ERC2: variants seen among roughly 807,000 people sequenced by gnomAD.
The protein encoded by ERC2 is ELKS/RAB6-interacting/CAST family member 2.
ERC2 carries 42 observed loss-of-function variants against 114.8 expected under a neutral mutation model. The observed-to-expected ratio is 0.37, with a 90% CI of 0.29 to 0.47. The LOEUF is 0.47. ERC2 is among the 20% of genes least tolerant of loss of function. The pLI, the probability that ERC2 is intolerant of heterozygous loss-of-function variation, is 0.99. For synonymous variants in ERC2, 454 were observed against 425.5 expected (o/e 1.07, Z -0.82); for missense variants, 939 against 1,150.7 (o/e 0.82, Z 2.66).
chr3:56,080,395 C>T (rs2077175834), intron 7 of ERC2, among the ~76,000 whole-genome samples: 1 of 152,026 alleles, frequency 6.6e-6, no homozygotes, highest in Non-Finnish European at 1.5e-5. Flanking sequence ...CCCTGCCTCC[C>T]AAAAATCTAT....
chr3:55,979,788 A>AG (rs1264092647), intron 12 of ERC2, among the ~76,000 whole-genome samples: 15 of 151,906 alleles, frequency 9.9e-5, no homozygotes, highest in Non-Finnish European at 1.8e-4. Context: ...AAAAAAAAAA[A>AG]AAATTCAATT....
At chr3:56,143,942 A>G (rs2081005754) in intron 5 of ERC2, among the ~76,000 whole-genome samples, 1 of 152,270 alleles carries the variant, frequency 6.6e-6, no homozygotes, top group African/African-American at 2.4e-5. Context: ...TTCAGGTTGC[A>G]TAACTTAGTA....
chr3:56,333,128 T>C (rs1278098149), intron 2 of ERC2, among the ~76,000 whole-genome samples: 1 of 152,250 alleles, frequency 6.6e-6, no homozygotes, highest in Non-Finnish European at 1.5e-5. Context: ...TACGGCTAAC[T>C]GTCAGAGACG....
intron 1 of ERC2, among the ~76,000 whole-genome samples, chr3:56,453,218 T>C (rs1445926000): frequency 6.6e-6 from 1 of 152,168 alleles, no homozygotes; most frequent in South Asian, 2.1e-4. Flanking sequence ...TTTTGGCCAA[T>C]GAAATGTGAG....
At chr3:55,791,642 AC>A (rs2070034385) in intron 14 of ERC2, among the ~76,000 whole-genome samples, 2 of 152,302 alleles carry the variant, frequency 1.3e-5, no homozygotes, top group Non-Finnish European at 2.9e-5. Context: ...ATCCATATTA[AC>A]CCATCAGGCA....
At chr3:55,597,505 T>A (rs2058203093) in intron 17 of ERC2, among the ~76,000 whole-genome samples, 1 of 152,100 alleles carries the variant, frequency 6.6e-6, no homozygotes, top group Non-Finnish European at 1.5e-5. Context: ...TAGTCCTCAT[T>A]TTCTGAGGCT....
chr3:56,440,751 T>C (rs192032564), intron 1 of ERC2, among the ~76,000 whole-genome samples: 3 of 152,334 alleles, frequency 2.0e-5, no homozygotes, highest in East Asian at 3.9e-4. Context: ...ATAAAGACTA[T>C]GTAAATCAAA....
intron 1 of ERC2, among the ~76,000 whole-genome samples, chr3:56,440,860 A>G (rs1307651533): frequency 1.3e-5 from 2 of 152,176 alleles, no homozygotes; most frequent in South Asian, 2.1e-4. Flanking sequence ...GCCACAAAGT[A>G]TTTTTATAAC....
intron 13 of ERC2, among the ~76,000 whole-genome samples, chr3:55,932,599 C>T (rs1352148990): frequency 6.6e-6 from 1 of 152,180 alleles, no homozygotes; most frequent in Admixed American, 6.5e-5. Context: ...TTGAATACTG[C>T]ACACTCCTCA....
Position 55,888,499 on chromosome 3 carries a change from G to A in ERC2, c.2454C>T (p.Ala818=). The part of the protein sequence containing the change: ...ALEKTRQELD[A]TKARLASTQQ... Reference sequence around the variant, plus strand: ...GTGTGGAGGCGAGGCGTGCTTTGGTGGCATCCAGTTCCTGTCTGGTCTTCT... The same window carrying A: ...GTGTGGAGGCGAGGCGTGCTTTGGTAGCATCCAGTTCCTGTCTGGTCTTCT... Residue 818 remains alanine (A), a synonymous_variant, in exon 14 of 18, where the codon GCC becomes GCT. Transcript: ENST00000288221. 3.1e-6 allele frequency: 5 copies of A among 1,613,828 alleles called. No homozygotes were observed. Among genetic ancestry groups the A allele is most frequent in the East Asian group, 2.2e-5 (1 of 44,862 alleles).
intron 15 of ERC2, among the ~76,000 whole-genome samples, chr3:55,732,946 C>T (rs1342598309): frequency 6.6e-6 from 1 of 152,144 alleles, no homozygotes; most frequent in African/African-American, 2.4e-5. Flanking sequence ...GCACCCCCAC[C>T]CCCAATGACG....
At chr3:56,092,863 C>G (rs1430298750) in intron 6 of ERC2, among the ~76,000 whole-genome samples, 1 of 152,106 alleles carries the variant, frequency 6.6e-6, no homozygotes, top group Non-Finnish European at 1.5e-5. Context: ...TAAATGTAAG[C>G]ACGAAATTGT....
intron 13 of ERC2, among the ~76,000 whole-genome samples, chr3:55,890,843 G>A (rs1384509387): frequency 1.3e-5 from 2 of 152,190 alleles, no homozygotes; most frequent in Non-Finnish European, 2.9e-5. Flanking sequence ...CCTGGACCGA[G>A]GACCATGTGG....
chr3:56,264,553 C>T (rs1191668822), intron 3 of ERC2, among the ~76,000 whole-genome samples: 2 of 150,366 alleles, frequency 1.3e-5, no homozygotes, highest in Middle Eastern at 3.4e-3. Context: ...GTCAAGATTA[C>T]ACCACTGCAC....
chr3:55,669,647 T>A (rs2061482432), intron 17 of ERC2, among the ~76,000 whole-genome samples: 1 of 152,264 alleles, frequency 6.6e-6, no homozygotes. Flanking sequence ...TTAACTGGGC[T>A]AGTTTATTGG....
At chr3:55,980,626 C>T (rs1344975665) in intron 12 of ERC2, among the ~76,000 whole-genome samples, 1 of 152,106 alleles carries the variant, frequency 6.6e-6, no homozygotes, top group Non-Finnish European at 1.5e-5. Flanking sequence ...TTCCCCTTCT[C>T]AGCATTTACA....
At chr3:56,257,314 A>C (rs1212137392) in intron 3 of ERC2, among the ~76,000 whole-genome samples, 1 of 152,216 alleles carries the variant, frequency 6.6e-6, no homozygotes, top group Non-Finnish European at 1.5e-5. Context: ...TGCCCTAGTA[A>C]AGTGGCAAAA....
At chr3:55,648,738 C>T (rs1231050154) in intron 17 of ERC2, among the ~76,000 whole-genome samples, 1 of 152,174 alleles carries the variant, frequency 6.6e-6, no homozygotes, top group Non-Finnish European at 1.5e-5. Context: ...GGTTCAGAGA[C>T]ATGGCTGCCG....
At chr3:56,440,124 T>C (rs1411113843) in intron 1 of ERC2, among the ~76,000 whole-genome samples, 1 of 152,204 alleles carries the variant, frequency 6.6e-6, no homozygotes, top group Non-Finnish European at 1.5e-5. Flanking sequence ...ATTTAGAAAA[T>C]ACAAATATGC....
Sources: allele counts gnomAD v4.1 joint callset (sites outside exome capture counted in the v4.1 genomes callset), GRCh38; gene constraint gnomAD v4.1.1; transcripts MANE v1.5; gene names NCBI Gene and HGNC (gene_info 2026-07-23, HGNC 2026-07-21).